The following LRRTM3 variants were observed in gnomAD, a reference collection of about 807,000 sequenced individuals.
LRRTM3 encodes the protein leucine-rich repeat transmembrane neuronal protein 3.
In LRRTM3, 24 loss-of-function variants were observed where a neutral mutation model predicts 44.7. The ratio of observed to expected loss-of-function variants is 0.54; its 90% CI spans 0.39 to 0.76. The LOEUF is 0.76. LRRTM3 is among the 30% of genes least tolerant of loss of function. The pLI is 0.00. For missense variants in LRRTM3, 587 were observed against 702.2 expected (o/e 0.84, Z 1.85); for synonymous variants, 277 against 278.7 (o/e 0.99, Z 0.06).
At chr10:67,038,254 TATC>T (rs1316450393) in intron 2 of LRRTM3, among the ~76,000 whole-genome samples, 2 of 152,140 alleles carry the variant, frequency 1.3e-5, no homozygotes, top group Admixed American at 6.6e-5. Context: ...TAAAAAAATC[TATC>T]CTCCTAAAAT....
In LRRTM3 at chr10:66,926,201, GC is replaced by G. The variant is rs1280854807; in HGVS notation, c.-379del. ...GAATACAGATGTGGCAGCTCAGGTAGCCCCAAATTGCCTGGAAGAATACATC... is the reference window on the plus strand; with the variant it reads ...GAATACAGATGTGGCAGCTCAGGTAGCCCAAATTGCCTGGAAGAATACATC... On this transcript the variant is annotated 5_prime_UTR_variant, in exon 1 of 3. The change abolishes the stop of an existing upstream ORF in the 5' untranslated region. Transcript: ENST00000361320. 2.2e-5 allele frequency: 10 copies of G among 448,942 alleles called. No homozygotes were observed. Among genetic ancestry groups the G allele is most frequent in the Non-Finnish European group, 4.0e-5 (9 of 227,172 alleles). 27.8% of individuals were successfully genotyped at this position (448,942 alleles called of 1,614,324 possible). A position where few individuals can be genotyped will look rare whatever the true frequency, so the allele number is the denominator to read the frequency against.
chr10:67,052,411 T>C (rs1340841417), intron 2 of LRRTM3, among the ~76,000 whole-genome samples: 1 of 152,012 alleles, frequency 6.6e-6, no homozygotes, highest in Non-Finnish European at 1.5e-5. Flanking sequence ...TTCACTAGGC[T>C]GTCCCTTCTT....
intron 2 of LRRTM3, among the ~76,000 whole-genome samples, chr10:66,990,092 A>C (rs1346553269): frequency 6.6e-6 from 1 of 152,158 alleles, no homozygotes; most frequent in Non-Finnish European, 1.5e-5. Flanking sequence ...AGAAGTCTTC[A>C]TTTTCTTTAA....
chr10:66,938,322 C>A (rs1847825215), intron 2 of LRRTM3, among the ~76,000 whole-genome samples: 1 of 152,072 alleles, frequency 6.6e-6, no homozygotes, highest in Non-Finnish European at 1.5e-5. Context: ...TAATATTTTA[C>A]TCCCCCAGAA....
chr10:67,018,088 A>G (rs1852774770), intron 2 of LRRTM3, among the ~76,000 whole-genome samples: 1 of 152,100 alleles, frequency 6.6e-6, no homozygotes, highest in South Asian at 2.1e-4. Flanking sequence ...TATATATTAA[A>G]CATATATTTT....
chr10:66,937,998 C>A (rs1047692052), intron 2 of LRRTM3, among the ~76,000 whole-genome samples: 4 of 151,972 alleles, frequency 2.6e-5, no homozygotes, highest in African/African-American at 9.7e-5. Context: ...TCTTTTCCTT[C>A]TTCTTCCAAT....
At chr10:67,086,158 A>G (rs1394667354) in intron 2 of LRRTM3, among the ~76,000 whole-genome samples, 4 of 152,040 alleles carry the variant, frequency 2.6e-5, no homozygotes, top group Non-Finnish European at 4.4e-5. Flanking sequence ...AAGAAACAGT[A>G]TATTTTTTTT....
chr10:67,040,417 A>T (rs556966798), intron 2 of LRRTM3, among the ~76,000 whole-genome samples: 3 of 152,234 alleles, frequency 2.0e-5, no homozygotes, highest in South Asian at 2.1e-4. Context: ...CACAAAGGTC[A>T]AACAATTTGG....
At chr10:66,989,156 G>A (rs1342266864) in intron 2 of LRRTM3, among the ~76,000 whole-genome samples, 1 of 152,074 alleles carries the variant, frequency 6.6e-6, no homozygotes, top group Non-Finnish European at 1.5e-5. Context: ...ATCCGACTTG[G>A]AGTAAAATCT....
intron 2 of LRRTM3, among the ~76,000 whole-genome samples, chr10:67,032,294 G>A (rs1853777335): frequency 6.6e-6 from 1 of 151,930 alleles, no homozygotes; most frequent in African/African-American, 2.4e-5. Flanking sequence ...CCAGAACAAG[G>A]GTTACCTATG....
intron 2 of LRRTM3, among the ~76,000 whole-genome samples, chr10:66,962,150 G>T (rs1291010551): frequency 6.6e-6 from 1 of 152,086 alleles, no homozygotes; most frequent in Non-Finnish European, 1.5e-5. Flanking sequence ...TCACTTTCCT[G>T]TTCAAAACCC....
At chr10:66,980,569 C>T (rs1056094018) in intron 2 of LRRTM3, among the ~76,000 whole-genome samples, 1 of 140,492 alleles carries the variant, frequency 7.1e-6, no homozygotes, top group African/African-American at 2.7e-5. Flanking sequence ...CCTTCCTACC[C>T]ACCTGTGATT....
intron 2 of LRRTM3, among the ~76,000 whole-genome samples, chr10:66,970,396 G>GT (rs1489981306): frequency 2.0e-5 from 3 of 151,868 alleles, no homozygotes; most frequent in African/African-American, 7.2e-5. Flanking sequence ...CAGCAGATAT[G>GT]TAACAATTAT....
At chr10:67,087,966 G>C (rs1032066731) in intron 2 of LRRTM3, among the ~76,000 whole-genome samples, 1 of 151,924 alleles carries the variant, frequency 6.6e-6, no homozygotes, top group South Asian at 2.1e-4. Context: ...GCTCAAAAAG[G>C]TTATGGTCTA....
intron 2 of LRRTM3, among the ~76,000 whole-genome samples, chr10:67,075,946 T>C (rs1856724815): frequency 6.6e-6 from 1 of 152,250 alleles, no homozygotes; most frequent in Non-Finnish European, 1.5e-5. Context: ...CATCTGCACA[T>C]GCAATTTCCT....
Position 67,070,616 on chromosome 10 carries a change from G to A in LRRTM3, c.1537-26971G>A, listed in dbSNP as rs532650742. Among the ~76,000 whole-genome samples, 36 of 152,052 alleles carry A rather than the reference G, an allele frequency of 2.4e-4. No individual in the cohort carries two copies. The South Asian group carries it at 5.8e-3, about 25-fold the overall frequency. On this transcript the variant is annotated intron_variant, in intron 2 of 2. Coordinates refer to ENST00000361320, the MANE Select transcript of LRRTM3 (RefSeq NM_178011.5). ...CAGAAAATTAGCTGGGCATGGTGGC[G>A]TGTGCCTGTCTTCCCAGCTGCTTGG... is the stretch of plus-strand genomic sequence containing the variant.
chr10:66,972,368 C>T (rs887719953), intron 2 of LRRTM3, among the ~76,000 whole-genome samples: 4 of 152,086 alleles, frequency 2.6e-5, no homozygotes, highest in Non-Finnish European at 5.9e-5. Flanking sequence ...GTTGCCCAGG[C>T]TTGCCTCAAA....
chr10:67,071,388 G>T (rs74141789), intron 2 of LRRTM3, among the ~76,000 whole-genome samples: 1,666 of 133,724 alleles, frequency 0.012, 37 homozygotes, highest in African/African-American at 0.045. Flanking sequence ...AGATATATTT[G>T]TATTAGTTAC....
chr10:66,949,977 T>C (rs970383221), intron 2 of LRRTM3, among the ~76,000 whole-genome samples: 1 of 152,068 alleles, frequency 6.6e-6, no homozygotes, highest in African/African-American at 2.4e-5. Flanking sequence ...TTCTAACATC[T>C]CCCCATGACT....
Sources: gnomAD v4.1 joint callset for allele counts (sites outside exome capture counted in the v4.1 genomes callset) on GRCh38, gnomAD v4.1.1 for gene constraint, MANE v1.5 for transcripts, NCBI Gene and HGNC (gene_info 2026-07-23, HGNC 2026-07-21) for gene names.